The following SLC5A11 variants were observed in gnomAD, a reference collection of about 807,000 sequenced individuals.
SLC5A11 encodes solute carrier family 5 member 11.
In SLC5A11, 48 loss-of-function variants were observed where a neutral mutation model predicts 69.8. The ratio of observed to expected loss-of-function variants is 0.69; its 90% CI spans 0.55 to 0.87. SLC5A11 has a LOEUF of 0.87. Among genes scored for constraint, SLC5A11 ranks in the 40% least tolerant of loss-of-function variants. The pLI is 0.00. For synonymous variants in SLC5A11, 319 were observed against 342.4 expected, an observed-to-expected ratio of 0.93 and a Z score of 0.75; for missense variants, 784 against 866.1, an observed-to-expected ratio of 0.91 and a Z score of 1.19.
At chr16:24,851,338 C>A (rs745373933) in intron 1 of SLC5A11, among the ~76,000 whole-genome samples, 36 of 151,048 alleles carry the variant, frequency 2.4e-4, no homozygotes, top group Non-Finnish European at 5.3e-4. Context: ...CATGGTGAAA[C>A]CCCATGTCTA....
chr16:24,857,664 A>G lies in SLC5A11; in HGVS notation c.-24-956A>G, dbSNP rs562410879. On this transcript the variant is annotated intron_variant, in intron 1 of 15. Transcript: ENST00000347898. ...TTCTCATGCTGTCATCTCTGTGGCT[A>G]TCTCTTCTGATTCTGTTTTTACTGT... Among the ~76,000 whole-genome samples, 8 of 152,222 alleles carry G rather than the reference A, an allele frequency of 5.3e-5. 1 individual carries two copies. The highest frequency in any genetic ancestry group is 4.2e-4 in the South Asian group (2 of 4,814).
intron 12 of SLC5A11, 123 bp from the exon 14 acceptor site, chr16:24,907,840 C>T (rs2050185920): frequency 1.6e-6 from 2 of 1,289,474 alleles, no homozygotes; most frequent in Admixed American, 1.9e-5. Flanking sequence ...GAGCTATGCT[C>T]TCACCACTGC....
At chr16:24,862,562 A>G in intron 2 of SLC5A11, 39 bp from the exon 4 acceptor site, 1 of 1,580,338 alleles carries the variant, frequency 6.3e-7, no homozygotes, top group Non-Finnish European at 8.7e-7. Flanking sequence ...TCTGATTGCT[A>G]ACGTCTTCCC....
intron 15 of SLC5A11, among the ~76,000 whole-genome samples, chr16:24,911,046 A>G (rs1156836263): frequency 1.3e-5 from 2 of 151,586 alleles, no homozygotes; most frequent in African/African-American, 2.4e-5. Flanking sequence ...GCGCATGCCT[A>G]TAGTCCCAGC....
Position 24,854,324 on chromosome 16 carries a change from A to G in SLC5A11, c.-24-4296A>G, listed in dbSNP as rs184414249. 1.7e-4 allele frequency among the ~76,000 whole-genome samples: 26 copies of G among 152,094 alleles called. No homozygotes were observed. In the South Asian group the frequency reaches 4.4e-3, roughly 26 times the overall value. The stretch of plus-strand genomic sequence containing the variant: ...CAGGTTGAAGTGTTTGAAAACACAG[A>G]CTCTGAAATCAGACTGGATTCGAGT... On this transcript the variant is annotated intron_variant, in intron 1 of 15. Transcript: ENST00000347898.
exon 9 of SLC5A11, chr16:24,890,888 G>A (rs1279521900): frequency 6.2e-7 from 1 of 1,614,152 alleles, no homozygotes; most frequent in Non-Finnish European, 8.5e-7. Flanking sequence ...CGGTTGGTGG[G>A]ATGGAAGGAC....
chr16:24,873,184 A>AAAAGGG, intron 5 of SLC5A11, among the ~76,000 whole-genome samples: 1 of 112,944 alleles, frequency 8.9e-6, no homozygotes, highest in South Asian at 3.0e-4. Flanking sequence ...GGGAAAGGGG[A>AAAAGGG]AAAGGGAAAG....
At chr16:24,901,483 C>T (rs1450364537) in intron 10 of SLC5A11, among the ~76,000 whole-genome samples, 1 of 151,914 alleles carries the variant, frequency 6.6e-6, no homozygotes, top group African/African-American at 2.4e-5. Context: ...GGCATGGTGG[C>T]ATGTGCTTAT....
intron 9 of SLC5A11, among the ~76,000 whole-genome samples, chr16:24,892,444 TAAAA>T (rs59511866): frequency 3.5e-5 from 5 of 140,974 alleles, no homozygotes; most frequent in Admixed American, 7.2e-5. Flanking sequence ...CCTTTTGTGT[TAAAA>T]AAAAAAAAAA....
intron 6 of SLC5A11, among the ~76,000 whole-genome samples, chr16:24,876,204 G>GAA (rs1162639357): frequency 1.9e-4 from 21 of 111,706 alleles, no homozygotes; most frequent in Non-Finnish European, 2.9e-4. Context: ...TCAAAAAAAA[G>GAA]AAAAAAAAAA....
exon 7 of SLC5A11, chr16:24,877,259 T>C (rs956547955): frequency 2.5e-6 from 4 of 1,613,758 alleles, no homozygotes; most frequent in South Asian, 1.1e-5. Context: ...TCTTCACAGG[T>C]AGACATGTAT....
chr16:24,909,046 A>G (rs1168387708), exon 14 of SLC5A11: 3 of 1,614,112 alleles, frequency 1.9e-6, no homozygotes, highest in Non-Finnish European at 2.5e-6. Flanking sequence ...GGTCACCCTC[A>G]TCACTGTCTC....
intron 7 of SLC5A11, among the ~76,000 whole-genome samples, chr16:24,883,837 G>A (rs892406437): frequency 2.0e-5 from 3 of 152,190 alleles, no homozygotes; most frequent in Non-Finnish European, 4.4e-5. Flanking sequence ...TGTGAGAAGC[G>A]GAGAAATCAA....
rs891552223 is a variant in SLC5A11 at position 24,888,478 on chromosome 16, CTTTTTTTTTTTTTT to C, written c.665-2380_665-2367del. 9.8e-5 allele frequency among the ~76,000 whole-genome samples: 8 copies of C among 81,412 alleles called. No homozygotes were observed. In the South Asian group the frequency reaches 3.7e-3, roughly 38 times the overall value. The allele number at this position is 81,412 out of a possible 152,430, so 53.4% of individuals were successfully genotyped here. On this transcript the variant is annotated intron_variant, in intron 8 of 15. Coordinates refer to ENST00000347898, the Ensembl canonical transcript of SLC5A11. ...ACTCCAGTTACTCCAGTATCTATTT[CTTTTTTTTTTTTTT>C]TTTTTTTTTTGAGATGGACTCTTGC... is the stretch of plus-strand genomic sequence containing the variant.
At chr16:24,896,214 T>A (rs1283194168) in intron 9 of SLC5A11, among the ~76,000 whole-genome samples, 2 of 151,822 alleles carry the variant, frequency 1.3e-5, no homozygotes, top group Non-Finnish European at 2.9e-5. Context: ...AAACATAAAA[T>A]GTAGCCAAGT....
intron 10 of SLC5A11, among the ~76,000 whole-genome samples, chr16:24,902,546 C>CTTTT (rs35191056): frequency 5.4e-5 from 7 of 130,288 alleles, no homozygotes; most frequent in African/African-American, 1.2e-4. Context: ...CCAATCAAGT[C>CTTTT]TTTTTTTTTT....
At chr16:24,856,996 T>C (rs1169880139) in intron 1 of SLC5A11, among the ~76,000 whole-genome samples, 1 of 152,052 alleles carries the variant, frequency 6.6e-6, no homozygotes, top group Admixed American at 6.6e-5. Flanking sequence ...AATTTTTGTA[T>C]TTTTAGTAGA....
chr16:24,874,496 C>T (rs2047539623), intron 5 of SLC5A11, among the ~76,000 whole-genome samples: 2 of 152,186 alleles, frequency 1.3e-5, no homozygotes, highest in Non-Finnish European at 2.9e-5. Flanking sequence ...TCCTTGGTTA[C>T]ATTTTATATT....
intron 1 of SLC5A11, among the ~76,000 whole-genome samples, chr16:24,853,616 A>T (rs1436501434): frequency 2.6e-5 from 4 of 152,154 alleles, no homozygotes; most frequent in African/African-American, 9.6e-5. Flanking sequence ...GGAAAGAAAG[A>T]CCAGCCAGGA....
Sources: allele counts gnomAD v4.1 joint callset (sites outside exome capture counted in the v4.1 genomes callset), GRCh38; gene constraint gnomAD v4.1.1; transcripts MANE v1.5; gene names NCBI Gene and HGNC (gene_info 2026-07-23, HGNC 2026-07-21).